PTPRO: variants seen among roughly 807,000 people sequenced by gnomAD.
The protein encoded by PTPRO is protein tyrosine phosphatase receptor type O, also known as receptor-type tyrosine-protein phosphatase O.
In PTPRO, 62 loss-of-function variants were observed where a neutral mutation model predicts 145.2. That is an observed-to-expected ratio of 0.43 (90% confidence interval 0.35 to 0.53). The LOEUF (loss-of-function observed/expected upper bound fraction) is 0.53, where lower values mean the gene tolerates loss of function less well. PTPRO is among the 20% of genes least tolerant of loss of function. The pLI, the probability that PTPRO is intolerant of heterozygous loss-of-function variation, is 0.01. For missense variants in PTPRO, 1,345 were observed against 1,482.7 expected (o/e 0.91, Z 1.53); for synonymous variants, 565 against 514.7 (o/e 1.10, Z -1.32).
intron 23 of PTPRO, among the ~76,000 whole-genome samples, chr12:15,585,971 C>T (rs1944422257): frequency 6.6e-6 from 1 of 151,892 alleles, no homozygotes; most frequent in Non-Finnish European, 1.5e-5. Context: ...TACTCACTTA[C>T]TGGGGACTCC....
intron 1 of PTPRO, among the ~76,000 whole-genome samples, chr12:15,443,178 A>G (rs1014071728): frequency 6.6e-6 from 1 of 152,122 alleles, no homozygotes; most frequent in Non-Finnish European, 1.5e-5. Context: ...ATGCCATCTG[A>G]TGTGTAGAAC....
chr12:15,414,087 C>A (rs997238030), intron 1 of PTPRO, among the ~76,000 whole-genome samples: 2 of 152,114 alleles, frequency 1.3e-5, no homozygotes, highest in East Asian at 3.9e-4. Context: ...GATATTTATC[C>A]GGTTCAATAT....
intron 1 of PTPRO, among the ~76,000 whole-genome samples, chr12:15,367,617 G>A (rs1282224603): frequency 6.6e-6 from 1 of 152,180 alleles, no homozygotes; most frequent in East Asian, 1.9e-4. Context: ...TCTAATAGAT[G>A]TCTCAAATGT....
intron 1 of PTPRO, among the ~76,000 whole-genome samples, chr12:15,441,752 G>A (rs934462629): frequency 3.3e-5 from 5 of 152,112 alleles, no homozygotes; most frequent in Non-Finnish European, 5.9e-5. Flanking sequence ...AGAAAATCTA[G>A]AGGAAATGAT....
chr12:15,447,416 T>C (rs1940928970), intron 1 of PTPRO, among the ~76,000 whole-genome samples: 3 of 152,144 alleles, frequency 2.0e-5, no homozygotes, highest in Admixed American at 2.0e-4. Context: ...ATTTGCCACC[T>C]TAGCTTTGAA....
At chr12:15,479,487 G>A (rs182595671) in intron 1 of PTPRO, among the ~76,000 whole-genome samples, 1 of 152,170 alleles carries the variant, frequency 6.6e-6, no homozygotes, top group East Asian at 1.9e-4. Flanking sequence ...ATTTCATAGA[G>A]AGCCTCCCTC....
In PTPRO at chr12:15,533,260, T is replaced by C. The variant is rs372563444; in HGVS notation, c.2164+6998T>C. Among the ~76,000 whole-genome samples the C allele has an allele frequency of 5.3e-4, 81 of 152,336 alleles. 1 individual carries two copies. The highest frequency in any genetic ancestry group is 1.8e-3 in the African/African-American group (74 of 41,590). On this transcript the variant is annotated intron_variant, in intron 12 of 26. Transcript: ENST00000281171. The stretch of plus-strand genomic sequence containing the variant: ...TTTCATGGAAATTATTTCTAGTTAA[T>C]GTAACCCTTAGGATCAATAACCTTT...
At chr12:15,475,402 A>G (rs1412683362) in intron 1 of PTPRO, among the ~76,000 whole-genome samples, 5 of 152,342 alleles carry the variant, frequency 3.3e-5, no homozygotes, top group South Asian at 2.1e-4. Context: ...AGTACTATCT[A>G]GGTGAAAAGT....
intron 25 of PTPRO, among the ~76,000 whole-genome samples, chr12:15,591,977 G>C (rs1184121151): frequency 6.6e-6 from 1 of 152,130 alleles, no homozygotes; most frequent in Non-Finnish European, 1.5e-5. Context: ...TCAGCAAAGG[G>C]GGCAGAGGTT....
At chr12:15,482,329 A>G (rs1474668255) in intron 1 of PTPRO, among the ~76,000 whole-genome samples, 1 of 152,122 alleles carries the variant, frequency 6.6e-6, no homozygotes, top group Non-Finnish European at 1.5e-5. Flanking sequence ...AATGCTAAAA[A>G]AAACTTGCAA....
Position 15,524,849 on chromosome 12 carries a change from T to C in PTPRO, c.1927T>C (p.Phe643Leu), listed in dbSNP as rs780648755. 1.2e-6 allele frequency: 2 copies of C among 1,613,776 alleles called. No individual in the cohort carries two copies. The highest frequency in any genetic ancestry group is 4.5e-5 in the East Asian group (2 of 44,854). The change falls in exon 11 of 27, where the codon TTC becomes CTC. Residue 643 changes from phenylalanine to leucine, a missense_variant. This residue lies in a region of PTPRO where 1,130 missense variants were observed against 1,214.7 expected (regional missense o/e 0.93). Transcript: ENST00000281171. Reference sequence around the variant, plus strand: ...TCCGGAAATCACTTCTGTGGAATATTTCAACAGTCTGTTATATATCAGTTG... The same window carrying C: ...TCCGGAAATCACTTCTGTGGAATATCTCAACAGTCTGTTATATATCAGTTG... ...VAPEITSVEY[F>L]NSLLYISWTY... is the part of the protein sequence containing the mutation.
At chr12:15,384,467 G>C (rs1251035039) in intron 1 of PTPRO, among the ~76,000 whole-genome samples, 1 of 152,118 alleles carries the variant, frequency 6.6e-6, no homozygotes, top group African/African-American at 2.4e-5. Context: ...TTGATTGCTA[G>C]CCAGAGCTCT....
At chr12:15,509,055 A>T (rs1942381484) in intron 7 of PTPRO, among the ~76,000 whole-genome samples, 1 of 152,210 alleles carries the variant, frequency 6.6e-6, no homozygotes, top group South Asian at 2.1e-4. Flanking sequence ...GATGTTGGAA[A>T]TTTTTAAACA....
chr12:15,473,416 C>T (rs895667417), intron 1 of PTPRO, among the ~76,000 whole-genome samples: 11 of 152,074 alleles, frequency 7.2e-5, no homozygotes, highest in African/African-American at 1.9e-4. Flanking sequence ...ATCCGGTGAA[C>T]GTAATTACCG....
intron 17 of PTPRO, among the ~76,000 whole-genome samples, chr12:15,562,275 T>C (rs1362923624): frequency 6.6e-6 from 1 of 152,180 alleles, no homozygotes; most frequent in Non-Finnish European, 1.5e-5. Context: ...ATTCCCTGTT[T>C]GCTTCATCTA....
intron 1 of PTPRO, among the ~76,000 whole-genome samples, chr12:15,376,969 A>G (rs1383180826): frequency 6.6e-6 from 1 of 152,174 alleles, no homozygotes; most frequent in Admixed American, 6.5e-5. Context: ...CTTTCATATG[A>G]TTTAAAAGAC....
At chr12:15,496,453 T>C (rs1013400198) in intron 2 of PTPRO, among the ~76,000 whole-genome samples, 1 of 152,172 alleles carries the variant, frequency 6.6e-6, no homozygotes, top group Non-Finnish European at 1.5e-5. Context: ...ACATATCTTC[T>C]TAATAAAATT....
At chr12:15,497,440 C>A in intron 3 of PTPRO, 37 bp downstream of exon 3, 1 of 1,600,386 alleles carries the variant, frequency 6.2e-7, no homozygotes, top group South Asian at 1.1e-5. Context: ...AATGATGACC[C>A]TCACTTTTTA....
chr12:15,470,376 T>A (rs1941512226), intron 1 of PTPRO, among the ~76,000 whole-genome samples: 1 of 152,202 alleles, frequency 6.6e-6, no homozygotes, highest in African/African-American at 2.4e-5. Context: ...AGACAGTAAC[T>A]TAACGGAATG....
Sources: gnomAD v4.1 joint callset for allele counts (sites outside exome capture counted in the v4.1 genomes callset) on GRCh38, gnomAD v4.1.1 for gene constraint, gnomAD v4.1.1 regional missense constraint, MANE v1.5 for transcripts, NCBI Gene and HGNC (gene_info 2026-07-23, HGNC 2026-07-21) for gene names.